Variants in PARD3B observed in about 807,000 individuals in gnomAD.
The protein encoded by PARD3B is par-3 family cell polarity regulator beta.
PARD3B carries 103 observed loss-of-function variants against 130.2 expected under a neutral mutation model. That is an observed-to-expected ratio of 0.79 (90% confidence interval 0.67 to 0.93). PARD3B has a LOEUF of 0.93. Among genes scored for constraint, PARD3B ranks in the 40% least tolerant of loss-of-function variants. The pLI, the probability that PARD3B is intolerant of heterozygous loss-of-function variation, is 0.00. For synonymous variants in PARD3B, 583 were observed against 553.2 expected (o/e 1.05, Z -0.76); for missense variants, 1,609 against 1,499.2 (o/e 1.07, Z -1.21).
chr2:204,792,158 A>G (rs1164907745), intron 2 of PARD3B, among the ~76,000 whole-genome samples: 2 of 152,196 alleles, frequency 1.3e-5, no homozygotes, highest in East Asian at 1.9e-4. Flanking sequence ...AGATTTTACC[A>G]ATTTGGTAAA....
rs2053215595 is a variant in PARD3B, at chr2:205,563,604, C to CT, written c.3260+10205dup. Among the ~76,000 whole-genome samples the CT allele has an allele frequency of 6.6e-6, 1 of 151,164 alleles. No individual in the cohort carries two copies. The highest frequency in any genetic ancestry group is 1.5e-5 in the Non-Finnish European group (1 of 67,902). Reference sequence around the variant, plus strand: ...AATAGCCCATGTTCATTGTGAACATCTTTTAAGGTTCCAGAGAAAATAGAA... The same window carrying CT: ...AATAGCCCATGTTCATTGTGAACATCTTTTTAAGGTTCCAGAGAAAATAGAA... On this transcript the variant is annotated intron_variant, in intron 22 of 22. Transcript: ENST00000406610. This position sits in a 1 kb window ranked among gnomAD's most constrained non-coding sequence, Gnocchi z 4.2.
chr2:204,614,552 C>G (rs758556983), intron 1 of PARD3B, among the ~76,000 whole-genome samples: 14 of 152,140 alleles, frequency 9.2e-5, no homozygotes, highest in African/African-American at 2.7e-4. Context: ...CCAAAACTCA[C>G]TTCATGTTAA....
chr2:204,760,717 A>C (rs991578286), intron 2 of PARD3B, among the ~76,000 whole-genome samples: 14 of 152,106 alleles, frequency 9.2e-5, no homozygotes, highest in Admixed American at 2.6e-4. Context: ...GTTTGAAGAA[A>C]TATTTATTGT....
At chr2:204,716,248 G>C (rs896114599) in intron 2 of PARD3B, among the ~76,000 whole-genome samples, 1 of 152,026 alleles carries the variant, frequency 6.6e-6, no homozygotes, top group East Asian at 2.0e-4. Flanking sequence ...TAACAGTGTA[G>C]TGCCTTGCTA....
intron 15 of PARD3B, among the ~76,000 whole-genome samples, chr2:205,217,888 A>ATTT (rs1559553094): frequency 9.3e-5 from 7 of 75,046 alleles, no homozygotes; most frequent in East Asian, 5.0e-4. Context: ...ATATATATAT[A>ATTT]TATATATTTT....
intron 2 of PARD3B, among the ~76,000 whole-genome samples, chr2:204,889,165 T>G (rs1467325684): frequency 2.0e-5 from 3 of 152,172 alleles, no homozygotes; most frequent in African/African-American, 7.2e-5. Context: ...CTAGATCCAT[T>G]AACTCTTAAG....
At chr2:205,305,292 C>T (rs1185411358) in intron 18 of PARD3B, among the ~76,000 whole-genome samples, 1 of 152,126 alleles carries the variant, frequency 6.6e-6, no homozygotes, top group African/African-American at 2.4e-5. Flanking sequence ...GATTATGTGG[C>T]ATGTAGCATG....
chr2:205,275,398 G>A (rs1406062786), intron 16 of PARD3B, among the ~76,000 whole-genome samples: 1 of 152,056 alleles, frequency 6.6e-6, no homozygotes, highest in African/African-American at 2.4e-5. Flanking sequence ...AAGAGATTCG[G>A]CTATAAAAAT....
chr2:205,608,340 T>A (rs1419705226), intron 22 of PARD3B, among the ~76,000 whole-genome samples: 7 of 152,182 alleles, frequency 4.6e-5, no homozygotes, highest in African/African-American at 1.7e-4. Flanking sequence ...GATACTGAAA[T>A]TCTAGGACCA....
At chr2:205,401,452 A>G (rs2046248362) in intron 19 of PARD3B, among the ~76,000 whole-genome samples, 1 of 152,142 alleles carries the variant, frequency 6.6e-6, no homozygotes, top group Non-Finnish European at 1.5e-5. Flanking sequence ...AGAACTATCC[A>G]GTTCCCATAG....
At chr2:205,071,422 C>T (rs1257251846) in intron 4 of PARD3B, among the ~76,000 whole-genome samples, 6 of 152,186 alleles carry the variant, frequency 3.9e-5, no homozygotes, top group Non-Finnish European at 5.9e-5. Context: ...GTATCATGTT[C>T]TGGCCAGACT....
chr2:204,790,721 T>A (rs1349598823), intron 2 of PARD3B, among the ~76,000 whole-genome samples: 1 of 152,236 alleles, frequency 6.6e-6, no homozygotes. Flanking sequence ...GTTGTTGTTT[T>A]TATTTTTTAC....
chr2:205,060,979 C>G (rs1036894690), intron 4 of PARD3B, among the ~76,000 whole-genome samples: 2 of 152,020 alleles, frequency 1.3e-5, no homozygotes, highest in Non-Finnish European at 2.9e-5. Flanking sequence ...CTTCAAGGGA[C>G]TTTAGTGGTT....
intron 4 of PARD3B, among the ~76,000 whole-genome samples, chr2:205,062,034 T>G (rs761213932): frequency 5.9e-5 from 9 of 152,032 alleles, no homozygotes; most frequent in Non-Finnish European, 1.3e-4. Context: ...CCCCTTCCCT[T>G]GTACGCTTCT....
At position 205,405,451 on chromosome 2, in the gene PARD3B, C is replaced by T. The variant is rs2046386841; in HGVS notation, c.2741+4328C>T. ...GGCTTCACAAAGAGCAAGGTACTCT[C>T]CTAGACATCAGAATTGCATTGTGTC... On this transcript the variant is annotated intron_variant, in intron 19 of 22. Transcript: ENST00000406610. This position sits in a 1 kb window ranked among gnomAD's most constrained non-coding sequence, Gnocchi z 4.1. 6.6e-6 allele frequency among the ~76,000 whole-genome samples: 1 copy of T among 152,144 alleles called. No individual in the cohort carries two copies. The highest frequency in any genetic ancestry group is 1.5e-5 in the Non-Finnish European group (1 of 68,038).
intron 2 of PARD3B, among the ~76,000 whole-genome samples, chr2:204,863,454 G>A (rs2045292477): frequency 6.6e-6 from 1 of 152,084 alleles, no homozygotes; most frequent in Non-Finnish European, 1.5e-5. Context: ...CAGACACTAG[G>A]CATTAGGAAT....
At chr2:204,901,725 T>C (rs1251720798) in intron 2 of PARD3B, among the ~76,000 whole-genome samples, 2 of 152,064 alleles carry the variant, frequency 1.3e-5, no homozygotes, top group Non-Finnish European at 2.9e-5. Context: ...CCAGCATGTC[T>C]CTGAGTCTCA....
intron 18 of PARD3B, among the ~76,000 whole-genome samples, chr2:205,382,605 A>G (rs143925903): frequency 2.0e-5 from 3 of 152,158 alleles, no homozygotes; most frequent in African/African-American, 4.8e-5. Context: ...GTCAGTAGCA[A>G]TAGTTACCAT....
chr2:204,915,510 A>G (rs1020897757), intron 2 of PARD3B, among the ~76,000 whole-genome samples: 1 of 152,312 alleles, frequency 6.6e-6, no homozygotes, highest in Non-Finnish European at 1.5e-5. Context: ...AGTTTTATGT[A>G]TATATACTAA....
Sources: gnomAD v4.1 joint callset for allele counts (sites outside exome capture counted in the v4.1 genomes callset) on GRCh38, gnomAD v4.1.1 for gene constraint, Gnocchi (gnomAD v3.1) non-coding constraint, MANE v1.5 for transcripts, NCBI Gene and HGNC (gene_info 2026-07-23, HGNC 2026-07-21) for gene names.